Variants in RHOU observed in about 807,000 individuals in gnomAD.
RHOU encodes the protein rho-related GTP-binding protein RhoU.
RHOU carries 8 observed loss-of-function variants against 12.6 expected under a neutral mutation model. The observed-to-expected ratio is 0.64, with a 90% CI of 0.37 to 1.15. The LOEUF (loss-of-function observed/expected upper bound fraction) is 1.15. RHOU is among the 50% of genes most tolerant of loss of function. The pLI, the probability that RHOU is intolerant of heterozygous loss-of-function variation, is 0.01. For missense variants in RHOU, 258 were observed against 347.0 expected, an observed-to-expected ratio of 0.74 and a Z score of 2.04; for synonymous variants, 161 against 147.4, an observed-to-expected ratio of 1.09 and a Z score of -0.67.
chr1:228,682,478 C>T, the RHOU span, among the ~76,000 whole-genome samples: 7 of 151,832 alleles, frequency 4.6e-5, no homozygotes, highest in Admixed American at 1.3e-4. Context: ...GTGGGATTAT[C>T]ATTAGTTCTT....
the RHOU span, among the ~76,000 whole-genome samples, chr1:228,722,683 C>G: frequency 2.0e-5 from 3 of 150,804 alleles, no homozygotes; most frequent in Non-Finnish European, 2.9e-5. Flanking sequence ...AGTGCAGTGG[C>G]GCGATCTCAG....
chr1:228,690,394 C>A, the RHOU span, among the ~76,000 whole-genome samples: 1 of 151,466 alleles, frequency 6.6e-6, no homozygotes, highest in Non-Finnish European at 1.5e-5. Context: ...GGCATGATCT[C>A]GGCTCACCGC....
At chr1:228,723,493 G>A in the RHOU span, among the ~76,000 whole-genome samples, 2 of 152,212 alleles carry the variant, frequency 1.3e-5, no homozygotes, top group East Asian at 1.9e-4. Flanking sequence ...TTCTACACAC[G>A]TGAGGATATG....
rs984644561 is a variant in RHOU at position 228,737,313 on chromosome 1, C to G, written c.263-360C>G. The stretch of plus-strand genomic sequence containing the variant: ...TGTGAGGTTTTCCACTGATTTAAAA[C>G]TGCAGGGTTGCTTCCCATTTACCCC... On this transcript the variant is annotated intron_variant, in intron 1 of 2. Transcript: ENST00000366691. The surrounding 1 kb of genome is among the most constrained non-coding windows in gnomAD (Gnocchi z 4.1). 6.6e-6 allele frequency among the ~76,000 whole-genome samples: 1 copy of G among 152,230 alleles called. No individual in the cohort carries two copies. Among genetic ancestry groups the G allele is most frequent in the Non-Finnish European group, 1.5e-5 (1 of 68,044 alleles).
At chr1:228,657,811 A>G in the RHOU span, among the ~76,000 whole-genome samples, 1 of 152,226 alleles carries the variant, frequency 6.6e-6, no homozygotes, top group Admixed American at 6.5e-5. Flanking sequence ...TAAAAGATAG[A>G]TAGCATATCA....
At chr1:228,717,682 G>A in the RHOU span, among the ~76,000 whole-genome samples, 235 of 152,354 alleles carry the variant, frequency 1.5e-3, no homozygotes, top group African/African-American at 5.3e-3. Flanking sequence ...AAAGTTGAGA[G>A]TCAGCTTTAG....
chr1:228,702,242 T>C, the RHOU span, among the ~76,000 whole-genome samples: 1 of 152,198 alleles, frequency 6.6e-6, no homozygotes, highest in South Asian at 2.1e-4. Flanking sequence ...AATACTATGA[T>C]ACAAGTACCC....
At chr1:228,649,833 C>T in the RHOU span, among the ~76,000 whole-genome samples, 2 of 152,122 alleles carry the variant, frequency 1.3e-5, no homozygotes. Context: ...ACTAGATCTT[C>T]TTTCAGTTAT....
At chr1:228,681,982 G>A in the RHOU span, among the ~76,000 whole-genome samples, 1 of 152,162 alleles carries the variant, frequency 6.6e-6, no homozygotes, top group African/African-American at 2.4e-5. Flanking sequence ...GTGGTGATCA[G>A]ACACCAATGG....
At chr1:228,707,113 T>C in the RHOU span, among the ~76,000 whole-genome samples, 1 of 94,540 alleles carries the variant, frequency 1.1e-5, no homozygotes, top group South Asian at 2.8e-4. Flanking sequence ...TACATATATA[T>C]ATATATATAT....
At chr1:228,712,908 T>C in the RHOU span, among the ~76,000 whole-genome samples, 3 of 151,786 alleles carry the variant, frequency 2.0e-5, no homozygotes, top group Admixed American at 1.3e-4. Flanking sequence ...TCTCCTGCAA[T>C]GTTGCCATAT....
the RHOU span, among the ~76,000 whole-genome samples, chr1:228,698,213 A>C: frequency 2.0e-5 from 3 of 152,220 alleles, no homozygotes; most frequent in Non-Finnish European, 4.4e-5. Context: ...AATACAGTGT[A>C]CCAGAGAGAC....
the RHOU span, among the ~76,000 whole-genome samples, chr1:228,672,531 C>T: frequency 2.6e-4 from 40 of 152,054 alleles, no homozygotes; most frequent in Non-Finnish European, 4.9e-4. Flanking sequence ...AATTTGAAGT[C>T]GGAATTTAGG....
At chr1:228,722,872 C>T in the RHOU span, among the ~76,000 whole-genome samples, 3 of 152,278 alleles carry the variant, frequency 2.0e-5, no homozygotes, top group African/African-American at 2.4e-5. Context: ...CTGCCCGCCT[C>T]GGCCTCCCAA....
chr1:228,687,236 G>A, the RHOU span, among the ~76,000 whole-genome samples: 2 of 151,994 alleles, frequency 1.3e-5, no homozygotes, highest in Admixed American at 6.6e-5. Flanking sequence ...CCACCTCAGC[G>A]TGACTGTCCC....
At chr1:228,662,329 G>A in the RHOU span, among the ~76,000 whole-genome samples, 4 of 152,190 alleles carry the variant, frequency 2.6e-5, no homozygotes, top group Admixed American at 2.0e-4. Context: ...CCCATTACTG[G>A]GTATATACCC....
At chr1:228,712,432 T>C in the RHOU span, among the ~76,000 whole-genome samples, 4 of 151,958 alleles carry the variant, frequency 2.6e-5, no homozygotes, top group African/African-American at 9.7e-5. Context: ...AATGATAGAC[T>C]GGATTAAGAA....
the RHOU span, among the ~76,000 whole-genome samples, chr1:228,699,447 C>CA: frequency 4.5e-3 from 184 of 40,596 alleles, 16 homozygotes; most frequent in East Asian, 0.019. Flanking sequence ...GAACCTGTCT[C>CA]AAAAAAAAAA....
At position 228,745,209 on chromosome 1, in the gene RHOU, A is replaced by G. The variant is rs1011644324; in HGVS notation, c.*1469A>G. 6.6e-6 allele frequency: 1 copy of G among 152,208 alleles called. No homozygotes were observed. Among genetic ancestry groups the G allele is most frequent in the African/African-American group, 2.4e-5 (1 of 41,456 alleles). 9.4% of individuals were successfully genotyped at this position (152,208 alleles called of 1,614,324 possible). On this transcript the variant is annotated 3_prime_UTR_variant, in exon 3 of 3. Coordinates refer to ENST00000366691, the MANE Select transcript of RHOU (RefSeq NM_021205.6). The stretch of plus-strand genomic sequence containing the variant: ...CTGTTAGGGCTGAATCTTCTGGAGA[A>G]AAAGGTGCCATCTCAGGAGAATAGC...
Sources: gnomAD v4.1 joint callset for allele counts (sites outside exome capture counted in the v4.1 genomes callset) on GRCh38, gnomAD v4.1.1 for gene constraint, Gnocchi (gnomAD v3.1) non-coding constraint, MANE v1.5 for transcripts, NCBI Gene and HGNC (gene_info 2026-07-23, HGNC 2026-07-21) for gene names.